MLPH: variants seen among roughly 807,000 people sequenced by gnomAD.
MLPH encodes exophilin-3.
In MLPH, 51 loss-of-function variants were observed where a neutral mutation model predicts 72.1. The ratio of observed to expected loss-of-function variants is 0.71; its 90% CI spans 0.56 to 0.89. The LOEUF is 0.89. MLPH is among the 40% of genes least tolerant of loss of function. MLPH has a pLI of 0.00. For missense variants in MLPH, 743 were observed against 759.9 expected, an observed-to-expected ratio of 0.98 and a Z score of 0.26; for synonymous variants, 301 against 310.1, an observed-to-expected ratio of 0.97 and a Z score of 0.31.
At chr2:237,548,645 G>A (rs768219059) in intron 13 of MLPH, among the ~76,000 whole-genome samples, 2 of 152,152 alleles carry the variant, frequency 1.3e-5, no homozygotes, top group Admixed American at 6.5e-5. Context: ...GAGGTGGGCG[G>A]ATCACAAGAT....
At position 237,533,763 on chromosome 2, in the gene MLPH, C is replaced by T. The variant is rs116775604; in HGVS notation, c.1021-801C>T. On this transcript the variant is annotated intron_variant, in intron 8 of 15. Coordinates refer to ENST00000264605, the MANE Select transcript of MLPH (RefSeq NM_024101.7). Reference sequence around the variant, plus strand: ...AGAGGGTGACTCAGTTACTAGTGGCCGCTCAAGGCGTGGGCCGAGGTCTAA... The same window carrying T: ...AGAGGGTGACTCAGTTACTAGTGGCTGCTCAAGGCGTGGGCCGAGGTCTAA... Among the ~76,000 whole-genome samples, 331 of 152,338 alleles carry T rather than the reference C, an allele frequency of 2.2e-3. 1 individual carries two copies. Among genetic ancestry groups the T allele is most frequent in the African/African-American group, 7.6e-3 (316 of 41,582 alleles).
In MLPH at chr2:237,518,583, C is replaced by T; in HGVS notation, c.490C>T (p.Gln164Ter). The T allele has an allele frequency of 6.2e-7, 1 of 1,613,908 alleles. No individual in the cohort carries two copies. Among genetic ancestry groups the T allele is most frequent in the African/African-American group, 1.3e-5 (1 of 75,006 alleles). The part of the protein sequence containing the change: ...ISEERSGDSD[Q>*]TDEDGEPGSE... ...TGAAGAGAGAAGTGGAGACAGCGAC[C>T]AGACAGATGAGGATGGAGAACCTGG... is the stretch of plus-strand genomic sequence containing the variant. Residue 164 changes from glutamine (Q) to a stop codon, truncating the protein, a stop_gained, in exon 5 of 16, where the codon CAG (glutamine) becomes TAG (stop). Coordinates refer to ENST00000264605, the MANE Select transcript of MLPH (RefSeq NM_024101.7). LOFTEE classifies it high-confidence loss of function.
intron 1 of MLPH, among the ~76,000 whole-genome samples, chr2:237,488,863 C>T (rs1029296735): frequency 8.5e-5 from 13 of 152,140 alleles, no homozygotes; most frequent in Admixed American, 7.2e-4. Context: ...CTCAAATAAG[C>T]CCCAGTCTCA....
In MLPH at chr2:237,510,348, C is replaced by T; in HGVS notation, c.111-226C>T. On this transcript the variant is annotated intron_variant, in intron 2 of 15. Coordinates refer to ENST00000264605, the MANE Select transcript of MLPH (RefSeq NM_024101.7). This position sits in a 1 kb window ranked among gnomAD's most constrained non-coding sequence, Gnocchi z 4.4. ...CATTTCTATGAAATTAACGTGTTTCCATTCCATTCCAGCCACCAAAATTGC... is the reference window on the plus strand; with the variant it reads ...CATTTCTATGAAATTAACGTGTTTCTATTCCATTCCAGCCACCAAAATTGC... 1.6e-6 allele frequency: 1 copy of T among 608,188 alleles called. No homozygotes were observed. The highest frequency in any genetic ancestry group is 3.0e-6 in the Non-Finnish European group (1 of 335,854). The allele number at this position is 608,188 out of a possible 1,614,324, so 37.7% of individuals were successfully genotyped here.
At position 237,512,999 on chromosome 2, in the gene MLPH, C is replaced by G. The variant is rs998508667; in HGVS notation, c.445+1898C>G. 2.6e-5 allele frequency among the ~76,000 whole-genome samples: 4 copies of G among 151,986 alleles called. No homozygotes were observed. Among genetic ancestry groups the G allele is most frequent in the Non-Finnish European group, 5.9e-5 (4 of 68,002 alleles). On this transcript the variant is annotated intron_variant, in intron 4 of 15. Coordinates refer to ENST00000264605, the MANE Select transcript of MLPH (RefSeq NM_024101.7). This position sits in a 1 kb window ranked among gnomAD's most constrained non-coding sequence, Gnocchi z 5.5. ...GAACTTGGATTCCCAGCAGCTCCCC[C>G]AAGCGCCCACAGGGGCTGCATTCCT...
At chr2:237,530,022 C>T (rs999320284) in intron 8 of MLPH, among the ~76,000 whole-genome samples, 2 of 152,174 alleles carry the variant, frequency 1.3e-5, no homozygotes, top group African/African-American at 4.8e-5. Context: ...AAGGGGCAGG[C>T]GAGGTGGGCA....
At chr2:237,548,650 C>A (rs1251474518) in intron 13 of MLPH, among the ~76,000 whole-genome samples, 1 of 152,164 alleles carries the variant, frequency 6.6e-6, no homozygotes, top group Non-Finnish European at 1.5e-5. Flanking sequence ...GGGCGGATCA[C>A]AAGATCAGGA....
chr2:237,493,998 C>T (rs1016620047), intron 2 of MLPH, among the ~76,000 whole-genome samples: 2 of 152,180 alleles, frequency 1.3e-5, no homozygotes, highest in African/African-American at 2.4e-5. Flanking sequence ...TCCACTCTGC[C>T]CAGTGACTGG....
chr2:237,493,587 C>A (rs759237193), intron 2 of MLPH, 51 bp downstream of exon 2: 1 of 1,424,614 alleles, frequency 7.0e-7, no homozygotes, highest in South Asian at 1.1e-5. Context: ...GATCTTCCCC[C>A]AGGGCCATCA....
intron 14 of MLPH, 91 bp downstream of exon 14, chr2:237,549,369 TTATCTGTGGGACA>T (rs1217352467): frequency 1.7e-6 from 2 of 1,203,066 alleles, no homozygotes; most frequent in Non-Finnish European, 2.5e-6. Context: ...TGTTTCTTCA[TTATCTGTGGGACA>T]TATCTCATGT....
At chr2:237,499,146 T>G (rs560674561) in intron 2 of MLPH, among the ~76,000 whole-genome samples, 1 of 152,266 alleles carries the variant, frequency 6.6e-6, no homozygotes, top group Non-Finnish European at 1.5e-5. Context: ...ATAAATCCTG[T>G]GTGATTTAAA....
intron 2 of MLPH, chr2:237,507,158 C>T (rs139204378): frequency 4.7e-5 from 7 of 149,720 alleles, no homozygotes; most frequent in African/African-American, 1.7e-4. Context: ...CCTCCACCTC[C>T]TAGGTTCAAG....
chr2:237,549,095 C>A, intron 13 of MLPH, 126 bp from the exon 14 acceptor site: 1 of 799,648 alleles, frequency 1.3e-6, no homozygotes, highest in Non-Finnish European at 2.2e-6. Context: ...TCAAATATTG[C>A]TAGAGAGCAG....
chr2:237,534,721 G>A, intron 9 of MLPH, 74 bp downstream of exon 9: 3 of 1,197,160 alleles, frequency 2.5e-6, no homozygotes, highest in Non-Finnish European at 2.5e-6. Flanking sequence ...GTGTGACATG[G>A]GCTTTTGGGA....
At chr2:237,545,203 GGACAGTGGTGAGT>G in intron 12 of MLPH, among the ~76,000 whole-genome samples, 1 of 87,492 alleles carries the variant, frequency 1.1e-5, no homozygotes, top group Non-Finnish European at 2.1e-5. Flanking sequence ...TGGTGAGTGG[GGACAGTGGTGAGT>G]GGGGACAGTG....
rs202208516 is a variant in MLPH at position 237,510,626 on chromosome 2, G to C, written c.163G>C (p.Asp55His). Residue 55 changes from aspartate (D) to histidine (H), a missense_variant, in exon 3 of 16, where the codon GAC (aspartate) becomes CAC (histidine). Asp to His is a moderately conservative substitution (Grantham distance 81). Transcript: ENST00000264605. This position sits in a 1 kb window ranked among gnomAD's most constrained non-coding sequence, Gnocchi z 4.4. ...KESSKRELLS[D>H]TAHLNETHCA... ...AAGCTCCAAGAGGGAGCTGCTTTCC[G>C]ACACTGCCCATCTGAACGAGACCCA... 3 of 1,613,662 alleles carry C rather than the reference G, an allele frequency of 1.9e-6. No individual in the cohort carries two copies. The highest frequency in any genetic ancestry group is 2.5e-6 in the Non-Finnish European group (3 of 1,180,018).
chr2:237,497,626 C>A (rs74717629), intron 2 of MLPH, among the ~76,000 whole-genome samples: 4,054 of 152,332 alleles, frequency 0.027, 145 homozygotes, highest in African/African-American at 0.079. Context: ...GGCTCTGGTT[C>A]TTGGCACCAA....
Position 237,546,640 on chromosome 2 carries a change from A to G in MLPH, c.1574A>G (p.Lys525Arg). Residue 525 changes from lysine to arginine, a missense_variant, in exon 13 of 16, where the codon AAG becomes AGG. Coordinates refer to ENST00000264605, the MANE Select transcript of MLPH (RefSeq NM_024101.7). ...FLPRVAGKLG[K>R]RPEDPNADPS... ...CCTCGAGTGGCTGGGAAACTTGGCAAGAGACCAGAGGACCCAAATGCAGAC... is the reference window on the plus strand; with the variant it reads ...CCTCGAGTGGCTGGGAAACTTGGCAGGAGACCAGAGGACCCAAATGCAGAC... The G allele has an allele frequency of 6.2e-7, 1 of 1,614,208 alleles. No homozygotes were observed. The highest frequency in any genetic ancestry group is 1.1e-5 in the South Asian group (1 of 91,084).
At chr2:237,531,766 C>T (rs1379942604) in intron 8 of MLPH, among the ~76,000 whole-genome samples, 1 of 152,104 alleles carries the variant, frequency 6.6e-6, no homozygotes, top group African/African-American at 2.4e-5. Context: ...CCCAGAAACA[C>T]AGACTTCAAA....
Sources: gnomAD v4.1 joint callset for allele counts (sites outside exome capture counted in the v4.1 genomes callset) on GRCh38, gnomAD v4.1.1 for gene constraint, Gnocchi (gnomAD v3.1) non-coding constraint, MANE v1.5 for transcripts, NCBI Gene and HGNC (gene_info 2026-07-23, HGNC 2026-07-21) for gene names.